GLI2: variants seen among roughly 807,000 people sequenced by gnomAD.
GLI2 encodes GLI family zinc finger 2.
Under a neutral mutation model 78.9 loss-of-function variants are expected in GLI2, and 22 were observed. The observed-to-expected ratio is 0.28, with a 90% CI of 0.20 to 0.40. GLI2 has a LOEUF of 0.40. Ranked by LOEUF, GLI2 falls within the 10% of genes least tolerant of loss-of-function variation. GLI2 has a pLI of 1.00. For synonymous variants in GLI2, 974 were observed against 963.7 expected (o/e 1.01, Z -0.20); for missense variants, 2,097 against 2,213.2 (o/e 0.95, Z 1.05).
At chr2:120,912,036 A>G (rs9653392) in intron 2 of GLI2, among the ~76,000 whole-genome samples, 8,829 of 152,094 alleles carry the variant, frequency 0.058, 776 homozygotes, top group African/African-American at 0.19. Flanking sequence ...TGGTCCCCCT[A>G]CTGAGGTGTG....
chr2:120,986,509 G>C lies in GLI2; in HGVS notation c.2137G>C (p.Glu713Gln). ...RKHMTTMHRF[E>Q]QLKKEKLKSL... Reference sequence around the variant, plus strand: ...ACACATGACCACCATGCACCGGTTCGAGCAGCTCAAGAAGGAGAAGCTCAA... The same window carrying C: ...ACACATGACCACCATGCACCGGTTCCAGCAGCTCAAGAAGGAGAAGCTCAA... The change falls in exon 13 of 14, where the codon GAG (glutamate) becomes CAG (glutamine). Residue 713 changes from glutamate (E) to glutamine (Q), a missense_variant. By Grantham distance (29) the Glu-to-Gln change is conservative. Coordinates refer to ENST00000361492, the MANE Select transcript of GLI2 (RefSeq NM_001374353.1). 1.2e-6 allele frequency: 2 copies of C among 1,614,122 alleles called. No homozygotes were observed. The highest frequency in any genetic ancestry group is 1.7e-6 in the Non-Finnish European group (2 of 1,180,036).
intron 2 of GLI2, among the ~76,000 whole-genome samples, chr2:120,872,014 G>A (rs1387036172): frequency 6.6e-6 from 1 of 152,198 alleles, no homozygotes; most frequent in East Asian, 1.9e-4. Context: ...TGTGCCAGAG[G>A]CAAAAGAAAC....
intron 1 of GLI2, among the ~76,000 whole-genome samples, chr2:120,795,952 G>A (rs981088015): frequency 1.1e-4 from 17 of 152,260 alleles, no homozygotes; most frequent in Admixed American, 7.8e-4. Context: ...AGGATTGCAG[G>A]AGAATCACTT....
At chr2:120,942,850 G>A (rs531777084) in intron 3 of GLI2, among the ~76,000 whole-genome samples, 102 of 128,246 alleles carry the variant, frequency 8.0e-4, no homozygotes, top group Non-Finnish European at 1.3e-3. Context: ...TCATTCATTC[G>A]TTCACGCCCT....
At chr2:120,820,817 G>C (rs1311147767) in intron 2 of GLI2, among the ~76,000 whole-genome samples, 1 of 152,196 alleles carries the variant, frequency 6.6e-6, no homozygotes, top group East Asian at 1.9e-4. Flanking sequence ...GGAGCAGGCA[G>C]ATGTGGGCCA....
At chr2:120,970,929 A>C (rs973597930) in intron 7 of GLI2, among the ~76,000 whole-genome samples, 1 of 152,232 alleles carries the variant, frequency 6.6e-6, no homozygotes, top group Non-Finnish European at 1.5e-5. Context: ...AATCATTATA[A>C]GACTGTGCAG....
chr2:120,804,929 C>T (rs893143156), intron 2 of GLI2, among the ~76,000 whole-genome samples: 1 of 152,230 alleles, frequency 6.6e-6, no homozygotes, highest in Admixed American at 6.5e-5. Context: ...TTCTTACCCT[C>T]TGCTTACCAG....
chr2:120,873,780 A>C (rs1326460513), intron 2 of GLI2, among the ~76,000 whole-genome samples: 1 of 152,164 alleles, frequency 6.6e-6, no homozygotes, highest in Non-Finnish European at 1.5e-5. Context: ...ACCTGTGTCC[A>C]CAGAGCATCT....
In GLI2 at chr2:120,955,440, G is replaced by A. The variant is rs201381203; in HGVS notation, c.643+10G>A. The A allele has an allele frequency of 2.6e-6, 4 of 1,555,788 alleles. No individual in the cohort carries two copies. Among genetic ancestry groups the A allele is most frequent in the Non-Finnish European group, 3.5e-6 (4 of 1,139,216 alleles). ...CTCAACCCCGTGGACGGTGAGTGCT[G>A]GCCCCCAGGGGCTGAGGATGGGGCT... On this transcript the variant is annotated intron_variant, in intron 5 of 13. Transcript: ENST00000361492.
rs150170739 is a variant in GLI2, at chr2:120,978,483, G to A, written c.1367G>A (p.Arg456His). Residue 456 changes from arginine (R) to histidine (H), a missense_variant, in exon 10 of 14, where the codon CGC (arginine) becomes CAC (histidine). Arg to His is a conservative substitution (Grantham distance 29). Transcript: ENST00000361492. ...IHGEKKEFVC[R>H]WQACTREQKP... ...GGGGAGAAGAAGGAGTTTGTGTGCC[G>A]CTGGCAGGCCTGCACGCGGGAGCAG... 122 of 1,614,046 alleles carry A rather than the reference G, an allele frequency of 7.6e-5. No homozygotes were observed. The Middle Eastern group carries it at 4.1e-3, about 54-fold the overall frequency.
At chr2:120,837,023 A>G (rs1686643498) in intron 2 of GLI2, among the ~76,000 whole-genome samples, 1 of 152,180 alleles carries the variant, frequency 6.6e-6, no homozygotes, top group African/African-American at 2.4e-5. Context: ...TGATTTGCCT[A>G]TCCATCTCCT....
At chr2:120,902,927 G>A (rs1167911439) in intron 2 of GLI2, among the ~76,000 whole-genome samples, 5 of 152,172 alleles carry the variant, frequency 3.3e-5, no homozygotes, top group African/African-American at 7.2e-5. Context: ...TTTGTAAGTT[G>A]CAGAAGTTGT....
chr2:120,911,007 C>G (rs904915410), intron 2 of GLI2, among the ~76,000 whole-genome samples: 1 of 152,240 alleles, frequency 6.6e-6, no homozygotes, highest in Non-Finnish European at 1.5e-5. Flanking sequence ...CCATCACACA[C>G]CTGTGACCCT....
At chr2:120,812,992 G>T (rs1685328520) in intron 2 of GLI2, among the ~76,000 whole-genome samples, 2 of 151,550 alleles carry the variant, frequency 1.3e-5, no homozygotes, top group South Asian at 4.2e-4. Flanking sequence ...AAAGAGCGCT[G>T]GTCTGGGTTG....
Position 120,945,787 on chromosome 2 carries a change from G to A in GLI2, c.255-5456G>A, listed in dbSNP as rs367777392. On this transcript the variant is annotated intron_variant, in intron 3 of 13. Coordinates refer to ENST00000361492, the MANE Select transcript of GLI2 (RefSeq NM_001374353.1). ...ACTCTAGCCAAAGCTGCTGTGTTGG[G>A]CACATGCCTATCTTTGAACCGATCA... 3.2e-4 allele frequency among the ~76,000 whole-genome samples: 49 copies of A among 152,202 alleles called. 1 individual carries two copies. The East Asian group carries it at 4.8e-3, about 15-fold the overall frequency.
intron 10 of GLI2, among the ~76,000 whole-genome samples, chr2:120,980,903 C>T (rs1056622751): frequency 1.5e-4 from 23 of 148,782 alleles, no homozygotes; most frequent in South Asian, 4.2e-4. Context: ...TTTTTTGAGA[C>T]AGAGTCTCCC....
chr2:120,942,855 C>T (rs1205665167), intron 3 of GLI2, among the ~76,000 whole-genome samples: 7 of 89,434 alleles, frequency 7.8e-5, no homozygotes, highest in Non-Finnish European at 1.0e-4. Flanking sequence ...CATTCGTTCA[C>T]GCCCTCTTTC....
rs1682083951 is a variant in GLI2, at chr2:120,970,387, T to C, written c.846-6T>C. 1 of 1,562,758 alleles carries C rather than the reference T, an allele frequency of 6.4e-7. No homozygotes were observed. Among genetic ancestry groups the C allele is most frequent in the Non-Finnish European group, 8.8e-7 (1 of 1,134,038 alleles). The stretch of plus-strand genomic sequence containing the variant: ...CCCCCACTTCCTTGTCTGCTCTCTG[T>C]TGCAGCCCAGCCTTCACCTTCCCCC... On this transcript the variant is annotated splice_polypyrimidine_tract_variant and splice_region_variant and intron_variant, in intron 6 of 13. Transcript: ENST00000361492.
chr2:120,923,306 TATGTAC>T (rs1679484527), intron 2 of GLI2, among the ~76,000 whole-genome samples: 1 of 9,906 alleles, frequency 1.0e-4, no homozygotes, highest in Admixed American at 1.2e-3. Context: ...CAGCAATGCA[TATGTAC>T]ACATACAACA....
Sources: allele counts gnomAD v4.1 joint callset (sites outside exome capture counted in the v4.1 genomes callset), GRCh38; gene constraint gnomAD v4.1.1; transcripts MANE v1.5; gene names NCBI Gene and HGNC (gene_info 2026-07-23, HGNC 2026-07-21).